Variants in COL4A6 observed in about 807,000 individuals in gnomAD.
The protein encoded by COL4A6 is collagen alpha-6(IV) chain.
In COL4A6, 59 loss-of-function variants were observed where a neutral mutation model predicts 126.7. The ratio of observed to expected loss-of-function variants is 0.47; its 90% CI spans 0.38 to 0.58. The LOEUF (loss-of-function observed/expected upper bound fraction) is 0.58. Ranked by LOEUF, COL4A6 falls within the 20% of genes least tolerant of loss-of-function variation. The probability of loss-of-function intolerance (pLI) is 0.00; values close to 1 mark genes in which losing one functional copy is unlikely to be tolerated. For synonymous variants in COL4A6, 547 were observed against 496.6 expected (o/e 1.10, Z -1.35); for missense variants, 1,285 against 1,337.3 (o/e 0.96, Z 0.61).
At chrX:108,319,281 G>T (rs1245865263) in intron 2 of COL4A6, among the ~76,000 whole-genome samples, 2 of 112,210 alleles carry the variant, frequency 1.8e-5, no homozygotes, top group African/African-American at 3.2e-5. Context: ...GAGGCAGGAG[G>T]ATCACTGGAG....
chrX:108,298,499 T>A (rs1334936310), intron 3 of COL4A6, among the ~76,000 whole-genome samples: 1 of 111,128 alleles, frequency 9.0e-6, no homozygotes, highest in Admixed American at 9.3e-5. Flanking sequence ...GGAGGTCACC[T>A]CCCAGCCACG....
chrX:108,173,915 G>A (rs908924906), intron 31 of COL4A6, among the ~76,000 whole-genome samples: 1 of 112,637 alleles, frequency 8.9e-6, no homozygotes, highest in Non-Finnish European at 1.9e-5. Context: ...ACCTTGTGGA[G>A]CTTCAAAGAC....
At chrX:108,199,828 C>T (rs1481691495) in intron 13 of COL4A6, among the ~76,000 whole-genome samples, 1 of 111,419 alleles carries the variant, frequency 9.0e-6, no homozygotes, top group Non-Finnish European at 1.9e-5. Flanking sequence ...GATAAAAACC[C>T]CACCACGGCA....
At chrX:108,314,896 T>G (rs1376140966) in intron 2 of COL4A6, among the ~76,000 whole-genome samples, 1 of 111,782 alleles carries the variant, frequency 8.9e-6, no homozygotes, top group Non-Finnish European at 1.9e-5. Flanking sequence ...AAGTGTCAGC[T>G]ATTATTATTA....
chrX:108,206,662 G>T, intron 8 of COL4A6, 82 bp from the exon 9 acceptor site: 1 of 803,450 alleles, frequency 1.2e-6, no homozygotes, highest in Non-Finnish European at 1.9e-6. Flanking sequence ...CACGAGAACT[G>T]TACAAGAATG....
At chrX:108,319,882 T>G (rs757236238) in intron 2 of COL4A6, among the ~76,000 whole-genome samples, 13 of 112,027 alleles carry the variant, frequency 1.2e-4, no homozygotes, top group Non-Finnish European at 2.1e-4. Context: ...GAATATGTGT[T>G]GACACAGGAG....
intron 2 of COL4A6, among the ~76,000 whole-genome samples, chrX:108,428,053 T>C (rs1026372595): frequency 9.0e-6 from 1 of 111,515 alleles, no homozygotes; most frequent in African/African-American, 3.3e-5. Context: ...AACTGAGAAA[T>C]ATGGCCATTG....
At chrX:108,319,125 C>T (rs2038957063) in intron 2 of COL4A6, among the ~76,000 whole-genome samples, 1 of 89,082 alleles carries the variant, frequency 1.1e-5, no homozygotes, top group South Asian at 5.6e-4. Context: ...AATTTGTAAT[C>T]CCAGCACTTG....
rs1003843634 is a variant in COL4A6 at position 108,180,681 on chromosome X, T to C, written c.2024-59A>G. The C allele has an allele frequency of 9.4e-6, 9 of 958,377 alleles. No individual in the cohort carries two copies. In the Admixed American group the frequency reaches 2.1e-4, roughly 22 times the overall value. 79.0% of individuals were successfully genotyped at this position (958,377 alleles called of 1,213,427 possible). On this transcript the variant is annotated intron_variant, in intron 24 of 44. Transcript: ENST00000334504. ...GAAAGTCGGTGTGCTAGGTATGATT[T>C]GTGATGTTCAGTCAAGAATCCCAGT...
At chrX:108,165,800 A>T (rs1313998622) in intron 37 of COL4A6, among the ~76,000 whole-genome samples, 10 of 112,627 alleles carry the variant, frequency 8.9e-5, no homozygotes, top group Non-Finnish European at 3.8e-5. Flanking sequence ...AGAAGGCATG[A>T]CTGAGCACCT....
rs182739616 is a variant in COL4A6 at position 108,265,311 on chromosome X, G to T, written c.145-43937C>A. Among the ~76,000 whole-genome samples, 118 of 110,773 alleles carry T rather than the reference G, an allele frequency of 1.1e-3. 5 individuals are homozygous for T. The East Asian group carries it at 0.033, about 31-fold the overall frequency. ...TTGGGTTTGAAAATCAGGCATTCTA[G>T]TTGGAGGAGAGTGACAGCAAACAAT... On this transcript the variant is annotated intron_variant, in intron 3 of 44. Coordinates refer to ENST00000334504, the MANE Select transcript of COL4A6 (RefSeq NM_033641.4).
At chrX:108,225,813 C>A (rs1569365782) in intron 3 of COL4A6, among the ~76,000 whole-genome samples, 2 of 112,732 alleles carry the variant, frequency 1.8e-5, no homozygotes, top group Admixed American at 9.3e-5. Flanking sequence ...CCTTTTTATA[C>A]CTCCGTTAAG....
intron 3 of COL4A6, among the ~76,000 whole-genome samples, chrX:108,279,687 T>C (rs776977672): frequency 1.3e-4 from 14 of 111,159 alleles, no homozygotes; most frequent in Non-Finnish European, 2.6e-4. Flanking sequence ...CAACAGAAAA[T>C]ACATTTTTTT....
At chrX:108,206,786 G>A (rs1288185265) in intron 8 of COL4A6, 2 of 519,894 alleles carry the variant, frequency 3.8e-6, no homozygotes, top group East Asian at 3.5e-5. Context: ...ACAATAAGAA[G>A]TAGCAAACTA....
intron 23 of COL4A6, among the ~76,000 whole-genome samples, chrX:108,183,104 G>A (rs1322244422): frequency 1.8e-5 from 2 of 112,292 alleles, no homozygotes; most frequent in Non-Finnish European, 1.9e-5. Flanking sequence ...TGAGAGGGAA[G>A]GACTTCAAGT....
chrX:108,214,007 G>C, intron 6 of COL4A6, 105 bp downstream of exon 6: 2 of 635,352 alleles, frequency 3.1e-6, no homozygotes, highest in Non-Finnish European at 5.2e-6. Flanking sequence ...AGGGTGTGTA[G>C]TGGCTGCCCC....
At chrX:108,208,608 A>G (rs1020255849) in intron 8 of COL4A6, among the ~76,000 whole-genome samples, 2 of 112,274 alleles carry the variant, frequency 1.8e-5, no homozygotes, top group Admixed American at 1.9e-4. Context: ...AAAAATCATA[A>G]GGGAACTTAG....
chrX:108,160,312 G>A (rs1400220453), intron 43 of COL4A6, 151 bp downstream of exon 43: 7 of 543,648 alleles, frequency 1.3e-5, no homozygotes, highest in Non-Finnish European at 2.1e-5. Flanking sequence ...ATAGAGCCAG[G>A]ATTTGAATCC....
intron 2 of COL4A6, among the ~76,000 whole-genome samples, chrX:108,413,150 TAGAG>T (rs1191534959): frequency 5.3e-5 from 6 of 112,204 alleles, no homozygotes; most frequent in African/African-American, 1.9e-4. Context: ...TATTTGGTGC[TAGAG>T]AGTTAGCATC....
Sources: gnomAD v4.1 joint callset for allele counts (sites outside exome capture counted in the v4.1 genomes callset) on GRCh38, gnomAD v4.1.1 for gene constraint, MANE v1.5 for transcripts, NCBI Gene and HGNC (gene_info 2026-07-23, HGNC 2026-07-21) for gene names.